Variants in ZNF385D observed in about 807,000 individuals in gnomAD.
ZNF385D encodes the protein zinc finger protein 385D.
A neutral mutation model predicts 35.8 loss-of-function variants in ZNF385D; 15 were observed. The observed-to-expected ratio is 0.42, with a 90% CI of 0.28 to 0.64. The LOEUF (loss-of-function observed/expected upper bound fraction) is 0.64, where lower values mean the gene tolerates loss of function less well. Among genes scored for constraint, ZNF385D ranks in the 30% least tolerant of loss-of-function variants. ZNF385D has a pLI of 0.23. For synonymous variants in ZNF385D, 212 were observed against 186.8 expected (o/e 1.13, Z -1.10); for missense variants, 474 against 494.6 (o/e 0.96, Z 0.39).
At chr3:21,824,540 ATAGC>A (rs1311305030) in intron 3 of ZNF385D, among the ~76,000 whole-genome samples, 1 of 152,118 alleles carries the variant, frequency 6.6e-6, no homozygotes, top group Non-Finnish European at 1.5e-5. Flanking sequence ...CTTTTCTTGT[ATAGC>A]TAATGTATCC....
chr3:21,776,389 C>T (rs905284138), intron 3 of ZNF385D, among the ~76,000 whole-genome samples: 3 of 151,922 alleles, frequency 2.0e-5, no homozygotes, highest in Admixed American at 6.6e-5. Context: ...ATCACATGAG[C>T]GCCGTGTGTG....
intron 3 of ZNF385D, among the ~76,000 whole-genome samples, chr3:21,924,586 T>C (rs13076554): frequency 6.6e-6 from 1 of 152,018 alleles, no homozygotes; most frequent in Non-Finnish European, 1.5e-5. Context: ...TCTAATCTAT[T>C]ACAAGCAATC....
chr3:22,159,966 A>C (rs11719238), intron 3 of ZNF385D, among the ~76,000 whole-genome samples: 33,519 of 151,764 alleles, frequency 0.22, 3,936 homozygotes, highest in East Asian at 0.42. Flanking sequence ...AATCCCCATA[A>C]TCTTTACAAT....
chr3:21,792,668 C>T (rs1487353117), intron 3 of ZNF385D, among the ~76,000 whole-genome samples: 1 of 152,110 alleles, frequency 6.6e-6, no homozygotes, highest in East Asian at 1.9e-4. Context: ...GACTTGCACA[C>T]ACAGCAAAAA....
rs150791283 is a variant in ZNF385D, at chr3:21,751,089, T to A, written c.-173A>T. On this transcript the variant is annotated 5_prime_UTR_variant, in exon 1 of 8. It adds an upstream start codon to the 5' untranslated region. Coordinates refer to ENST00000281523, the MANE Select transcript of ZNF385D (RefSeq NM_024697.3). ...CGGGATGAGCGCCTTGCAGGCTGCCTTTCCAGGGCTAAGATCCCCGGCGGC... is the reference window on the plus strand; with the variant it reads ...CGGGATGAGCGCCTTGCAGGCTGCCATTCCAGGGCTAAGATCCCCGGCGGC... The A allele has an allele frequency of 2.9e-5, 44 of 1,494,524 alleles. 1 individual carries two copies. In the African/African-American group the frequency reaches 5.0e-4, roughly 17 times the overall value. The allele number at this position is 1,494,524 out of a possible 1,614,324, so 92.6% of individuals were successfully genotyped here.
At chr3:21,808,750 G>A (rs6550626) in intron 3 of ZNF385D, among the ~76,000 whole-genome samples, 140,463 of 152,262 alleles carry the variant, frequency 0.92, 64,916 homozygotes, top group East Asian at 0.98. Flanking sequence ...TCAGTGTTCA[G>A]AGTCCCAGGG....
intron 2 of ZNF385D, among the ~76,000 whole-genome samples, chr3:22,362,072 G>T (rs930741611): frequency 3.3e-5 from 5 of 151,404 alleles, no homozygotes; most frequent in Admixed American, 2.0e-4. Flanking sequence ...ATGCTATTTG[G>T]TTTTTTCAAA....
chr3:22,348,446 A>C (rs1225369094), intron 2 of ZNF385D, among the ~76,000 whole-genome samples: 2 of 148,826 alleles, frequency 1.3e-5, no homozygotes, highest in Non-Finnish European at 3.0e-5. Flanking sequence ...TCAGGAGTTC[A>C]AGACCAGCCT....
intron 2 of ZNF385D, among the ~76,000 whole-genome samples, chr3:21,580,775 GAATA>G: frequency 6.7e-6 from 1 of 150,028 alleles, no homozygotes; most frequent in East Asian, 1.9e-4. Flanking sequence ...ATATATATCT[GAATA>G]TATATGTATG....
chr3:21,558,873 A>G (rs1233687638), intron 3 of ZNF385D, among the ~76,000 whole-genome samples: 1 of 151,848 alleles, frequency 6.6e-6, no homozygotes, highest in Non-Finnish European at 1.5e-5. Context: ...TATATTTAGG[A>G]TCGTTAGCTC....
chr3:21,639,309 C>G (rs899265352), intron 2 of ZNF385D, among the ~76,000 whole-genome samples: 1 of 151,866 alleles, frequency 6.6e-6, no homozygotes, highest in Non-Finnish European at 1.5e-5. Flanking sequence ...GGCATGAAAG[C>G]AAGAATGTTT....
intron 5 of ZNF385D, among the ~76,000 whole-genome samples, chr3:21,426,897 G>A (rs1553629633): frequency 1.3e-5 from 2 of 152,102 alleles, no homozygotes. Context: ...TGAGTCCAAT[G>A]TAAAAAGTAT....
At chr3:22,083,511 G>A (rs554535831) in intron 3 of ZNF385D, among the ~76,000 whole-genome samples, 1 of 151,664 alleles carries the variant, frequency 6.6e-6, no homozygotes, top group African/African-American at 2.4e-5. Context: ...AATAAATGAA[G>A]TGAGAAGAGA....
chr3:21,684,421 C>A, intron 1 of ZNF385D, among the ~76,000 whole-genome samples: 1 of 113,484 alleles, frequency 8.8e-6, no homozygotes, highest in Admixed American at 9.3e-5. Context: ...CTCTCTCTCT[C>A]TCTCTCTCTC....
intron 2 of ZNF385D, among the ~76,000 whole-genome samples, chr3:22,296,298 T>C (rs1702572646): frequency 6.6e-6 from 1 of 152,164 alleles, no homozygotes. Flanking sequence ...CTGTGTGGCA[T>C]TAGCGGGGAT....
chr3:22,325,627 T>C (rs1694640190), intron 2 of ZNF385D, among the ~76,000 whole-genome samples: 1 of 152,002 alleles, frequency 6.6e-6, no homozygotes, highest in African/African-American at 2.4e-5. Flanking sequence ...GGCATGGTGA[T>C]ACAAATCTGT....
chr3:22,207,888 C>T (rs1442849261), intron 2 of ZNF385D, among the ~76,000 whole-genome samples: 1 of 151,944 alleles, frequency 6.6e-6, no homozygotes, highest in Non-Finnish European at 1.5e-5. Flanking sequence ...GATGTCACCT[C>T]ACCCTAGTCA....
intron 1 of ZNF385D, among the ~76,000 whole-genome samples, chr3:21,741,686 T>C (rs1288342387): frequency 6.6e-6 from 1 of 152,080 alleles, no homozygotes; most frequent in Non-Finnish European, 1.5e-5. Flanking sequence ...TCTTTAAAAG[T>C]CCAGCAACAC....
At chr3:21,766,546 G>A (rs1224780651) in intron 3 of ZNF385D, among the ~76,000 whole-genome samples, 1 of 152,082 alleles carries the variant, frequency 6.6e-6, no homozygotes, top group East Asian at 1.9e-4. Context: ...TCAATTTCTG[G>A]TAACTCACTA....
Sources: gnomAD v4.1 joint callset for allele counts (sites outside exome capture counted in the v4.1 genomes callset) on GRCh38, gnomAD v4.1.1 for gene constraint, MANE v1.5 for transcripts, NCBI Gene and HGNC (gene_info 2026-07-23, HGNC 2026-07-21) for gene names.